Variants in EPHA6 observed in about 807,000 individuals in gnomAD.
EPHA6 encodes EPH receptor A6.
A neutral mutation model predicts 112.0 loss-of-function variants in EPHA6; 50 were observed. The observed-to-expected ratio is 0.45, with a 90% confidence interval of 0.36 to 0.56. EPHA6 has a LOEUF of 0.56. EPHA6 is among the 20% of genes least tolerant of loss of function. The pLI, the probability that EPHA6 is intolerant of heterozygous loss-of-function variation, is 0.00. For synonymous variants in EPHA6, 529 were observed against 490.7 expected (o/e 1.08, Z -1.03); for missense variants, 1,280 against 1,417.4 (o/e 0.90, Z 1.56).
chr3:96,918,394 A>G (rs1399101446), intron 2 of EPHA6, among the ~76,000 whole-genome samples: 1 of 152,132 alleles, frequency 6.6e-6, no homozygotes, highest in Non-Finnish European at 1.5e-5. Context: ...GTTGTGTTAT[A>G]TTAAGAGAAG....
rs1268939044 is a variant in EPHA6, at chr3:97,702,182, A to G, written c.2785-18079A>G. On this transcript the variant is annotated intron_variant, in intron 14 of 17. Coordinates refer to ENST00000389672, the MANE Select transcript of EPHA6 (RefSeq NM_001080448.3). ...ATTCACTCCCCTTTCACTTACATGGATTTTGAGGGTCAAAACTATGCATTT... is the reference window on the plus strand; with the variant it reads ...ATTCACTCCCCTTTCACTTACATGGGTTTTGAGGGTCAAAACTATGCATTT... 2.6e-5 allele frequency among the ~76,000 whole-genome samples: 4 copies of G among 152,282 alleles called. No homozygotes were observed. In the East Asian group the frequency reaches 7.7e-4, roughly 29 times the overall value.
chr3:97,452,536 C>G (rs1376979458), intron 7 of EPHA6, among the ~76,000 whole-genome samples: 3 of 151,664 alleles, frequency 2.0e-5, no homozygotes. Flanking sequence ...CTACTGTGTA[C>G]TGGCCTTATT....
intron 3 of EPHA6, among the ~76,000 whole-genome samples, chr3:97,155,352 T>C (rs1041440553): frequency 2.0e-5 from 3 of 152,136 alleles, no homozygotes; most frequent in African/African-American, 7.2e-5. Context: ...CTGAGACCCA[T>C]CCTAATCATT....
At chr3:96,929,702 T>C (rs915574766) in intron 2 of EPHA6, among the ~76,000 whole-genome samples, 1 of 152,170 alleles carries the variant, frequency 6.6e-6, no homozygotes, top group African/African-American at 2.4e-5. Flanking sequence ...ATTATATGTG[T>C]TGGGGTCGAT....
intron 5 of EPHA6, among the ~76,000 whole-genome samples, chr3:97,326,580 C>G (rs1043535584): frequency 6.6e-6 from 1 of 151,924 alleles, no homozygotes; most frequent in African/African-American, 2.4e-5. Context: ...CCTTAGAAAA[C>G]ATTTGGAACT....
intron 5 of EPHA6, among the ~76,000 whole-genome samples, chr3:97,283,598 C>G (rs2080364032): frequency 6.6e-6 from 1 of 151,634 alleles, no homozygotes; most frequent in Admixed American, 6.6e-5. Context: ...CACACCGGAG[C>G]CTTTCAGGGG....
At position 97,057,014 on chromosome 3, in the gene EPHA6, G is replaced by A. The variant is rs539170513; in HGVS notation, c.1114+69021G>A. Among the ~76,000 whole-genome samples, 27 of 152,242 alleles carry A rather than the reference G, an allele frequency of 1.8e-4. No homozygotes were observed. In the South Asian group the frequency reaches 5.4e-3, roughly 30 times the overall value. ...AGTTTAAGTTTAAAAGGATATATGT[G>A]ATCATTATTCCTATCTGTTGCCTTG... is the stretch of plus-strand genomic sequence containing the variant. On this transcript the variant is annotated intron_variant, in intron 3 of 17. Coordinates refer to ENST00000389672, the MANE Select transcript of EPHA6 (RefSeq NM_001080448.3).
chr3:97,244,390 A>C (rs2078929666), intron 5 of EPHA6, 103 bp downstream of exon 5: 1 of 933,040 alleles, frequency 1.1e-6, no homozygotes, highest in Admixed American at 2.1e-5. Flanking sequence ...GCAGTCATAT[A>C]CGTTATACAC....
intron 5 of EPHA6, among the ~76,000 whole-genome samples, chr3:97,390,432 T>C (rs2086332844): frequency 6.6e-6 from 1 of 151,760 alleles, no homozygotes; most frequent in Non-Finnish European, 1.5e-5. Flanking sequence ...ATGATATGTA[T>C]ATTCCAGAAG....
In EPHA6 at chr3:97,405,234, A is replaced by G. The variant is rs202218447; in HGVS notation, c.1691A>G (p.Asn564Ser). 39 of 1,611,450 alleles carry G rather than the reference A, an allele frequency of 2.4e-5. No individual in the cohort carries two copies. Among genetic ancestry groups the G allele is most frequent in the Admixed American group, 5.0e-5 (3 of 59,686 alleles). ...TCATGGCAAGCACCTGCTTTTTCCA[A>G]TGGAGCCATTCTGGACTACGAGATC... ...ALSWQAPAFS[N>S]GAILDYEIKY... The change falls in exon 6 of 18, where the codon AAT (asparagine) becomes AGT (serine). Residue 564 changes from asparagine to serine, a missense_variant. Coordinates refer to ENST00000389672, the MANE Select transcript of EPHA6 (RefSeq NM_001080448.3).
At chr3:96,951,390 C>T (rs1053289766) in intron 2 of EPHA6, among the ~76,000 whole-genome samples, 1 of 151,446 alleles carries the variant, frequency 6.6e-6, no homozygotes, top group Non-Finnish European at 1.5e-5. Context: ...ACTAACAACT[C>T]AGTTATTATT....
At chr3:97,451,514 T>A (rs998655435) in intron 7 of EPHA6, among the ~76,000 whole-genome samples, 3 of 151,572 alleles carry the variant, frequency 2.0e-5, no homozygotes, top group African/African-American at 7.3e-5. Context: ...AATATATTTG[T>A]GTAAACCTGA....
At chr3:97,274,560 G>A (rs565526192) in intron 5 of EPHA6, among the ~76,000 whole-genome samples, 86 of 152,296 alleles carry the variant, frequency 5.6e-4, no homozygotes, top group African/African-American at 1.9e-3. Context: ...ATATTGATGC[G>A]TAGTCCTTTT....
intron 5 of EPHA6, among the ~76,000 whole-genome samples, chr3:97,295,962 G>C (rs1449134923): frequency 6.6e-6 from 1 of 152,076 alleles, no homozygotes. Context: ...GGTGAATGTG[G>C]GCACCAGTAT....
At chr3:97,648,507 G>C (rs911466677) in intron 14 of EPHA6, 1 of 1,291,666 alleles carries the variant, frequency 7.7e-7, no homozygotes. Context: ...TTGACTTTTT[G>C]AAGTTAATTT....
At chr3:96,850,463 T>A (rs934428211) in intron 1 of EPHA6, among the ~76,000 whole-genome samples, 4 of 152,116 alleles carry the variant, frequency 2.6e-5, no homozygotes, top group African/African-American at 9.7e-5. Flanking sequence ...TGGCATGATG[T>A]GATCTTAAGA....
chr3:97,718,732 T>G (rs2107788858), intron 14 of EPHA6, among the ~76,000 whole-genome samples: 1 of 152,288 alleles, frequency 6.6e-6, no homozygotes, highest in Middle Eastern at 3.4e-3. Flanking sequence ...GCCTTTAACC[T>G]CTGCCCCAAT....
At position 96,857,064 on chromosome 3, in the gene EPHA6, A is replaced by G. The variant is rs535918717; in HGVS notation, c.386-9761A>G. Among the ~76,000 whole-genome samples, 7 of 152,270 alleles carry G rather than the reference A, an allele frequency of 4.6e-5. No homozygotes were observed. In the South Asian group the frequency reaches 1.2e-3, roughly 27 times the overall value. On this transcript the variant is annotated intron_variant, in intron 1 of 17. Coordinates refer to ENST00000389672, the MANE Select transcript of EPHA6 (RefSeq NM_001080448.3). ...TCGGAACATTATAGATTTCATTGCC[A>G]TAATCTGTATCTTGGGTAATCAATA...
Position 97,185,448 on chromosome 3 carries a change from A to G in EPHA6, c.1115-40816A>G, listed in dbSNP as rs147250390. On this transcript the variant is annotated intron_variant, in intron 3 of 17. Coordinates refer to ENST00000389672, the MANE Select transcript of EPHA6 (RefSeq NM_001080448.3). ...CTCAAAAGAAGACATTTATGCAGCCAACAGATGCATGAAAAAATGCTCATC... is the reference window on the plus strand; with the variant it reads ...CTCAAAAGAAGACATTTATGCAGCCGACAGATGCATGAAAAAATGCTCATC... Among the ~76,000 whole-genome samples the G allele has an allele frequency of 1.4e-3, 208 of 152,286 alleles. 8 individuals are homozygous for G. In the East Asian group the frequency reaches 0.037, roughly 27 times the overall value.
Sources: gnomAD v4.1 joint callset for allele counts (sites outside exome capture counted in the v4.1 genomes callset) on GRCh38, gnomAD v4.1.1 for gene constraint, MANE v1.5 for transcripts, NCBI Gene and HGNC (gene_info 2026-07-23, HGNC 2026-07-21) for gene names.